GRM3: variants seen among roughly 807,000 people sequenced by gnomAD.
GRM3 encodes the protein metabotropic glutamate receptor 3.
A neutral mutation model predicts 70.5 loss-of-function variants in GRM3; 26 were observed. That is an observed-to-expected ratio of 0.37 (90% CI 0.27 to 0.51). The LOEUF is 0.51. Among genes scored for constraint, GRM3 ranks in the 20% least tolerant of loss-of-function variants. The pLI, the probability that GRM3 is intolerant of heterozygous loss-of-function variation, is 0.93. For missense variants in GRM3, 859 were observed against 1,123.8 expected, an observed-to-expected ratio of 0.76 and a Z score of 3.37; for synonymous variants, 443 against 434.9, an observed-to-expected ratio of 1.02 and a Z score of -0.23.
chr7:86,710,805 A>C lies in GRM3; in HGVS notation c.-140-54201A>C, dbSNP rs1401385399. Among the ~76,000 whole-genome samples the C allele has an allele frequency of 2.0e-5, 3 of 152,228 alleles. No homozygotes were observed. The East Asian group carries it at 5.8e-4, about 29-fold the overall frequency. ...TACAACTAGATAATAACATGTCTTT[A>C]AAGTGTTACTATGTGTCAGTCAAAT... is the stretch of plus-strand genomic sequence containing the variant. On this transcript the variant is annotated intron_variant, in intron 1 of 5. Coordinates refer to ENST00000361669, the MANE Select transcript of GRM3 (RefSeq NM_000840.3).
chr7:86,788,328 A>G (rs1006325585), intron 3 of GRM3, among the ~76,000 whole-genome samples: 3 of 152,224 alleles, frequency 2.0e-5, no homozygotes, highest in African/African-American at 4.8e-5. Flanking sequence ...CTTCTATTCC[A>G]TAATTCTTAC....
intron 1 of GRM3, among the ~76,000 whole-genome samples, chr7:86,666,521 C>T (rs1397477160): frequency 6.6e-6 from 1 of 152,036 alleles, no homozygotes; most frequent in East Asian, 1.9e-4. Context: ...AAGTAGCTAT[C>T]CCTCTCTGGA....
At chr7:86,778,984 T>A (rs1796969741) in intron 2 of GRM3, among the ~76,000 whole-genome samples, 2 of 151,932 alleles carry the variant, frequency 1.3e-5, no homozygotes, top group Admixed American at 6.5e-5. Flanking sequence ...AAAATTTGGA[T>A]ACACACACAC....
intron 2 of GRM3, among the ~76,000 whole-genome samples, chr7:86,773,068 G>C (rs1029594997): frequency 1.3e-5 from 2 of 151,934 alleles, no homozygotes; most frequent in Non-Finnish European, 1.5e-5. Context: ...GTGTGTTGCT[G>C]AGGTTTGGGG....
chr7:86,788,997 G>C (rs890947281), intron 3 of GRM3, among the ~76,000 whole-genome samples: 2 of 152,034 alleles, frequency 1.3e-5, no homozygotes, highest in African/African-American at 4.8e-5. Flanking sequence ...TGACTTCTTG[G>C]GTCTTAAAAG....
chr7:86,694,368 C>T (rs1250004371), intron 1 of GRM3, among the ~76,000 whole-genome samples: 1 of 151,324 alleles, frequency 6.6e-6, no homozygotes, highest in Non-Finnish European at 1.5e-5. Flanking sequence ...AAAAATTAGC[C>T]GGGCTTGGTG....
chr7:86,644,556 T>C lies in GRM3; in HGVS notation c.-457T>C, dbSNP rs1206134697. ...CCCTCTTTCCCCAACCTCCTCCCTC[T>C]CTTCTACTCCACCCCTCCGTTTTCC... On this transcript the variant is annotated 5_prime_UTR_variant, in exon 1 of 6. Coordinates refer to ENST00000361669, the MANE Select transcript of GRM3 (RefSeq NM_000840.3). 5.2e-6 allele frequency: 2 copies of C among 384,654 alleles called. No homozygotes were observed. The highest frequency in any genetic ancestry group is 1.0e-5 in the Non-Finnish European group (2 of 192,638). The allele number at this position is 384,654 out of a possible 1,614,324, so 23.8% of individuals were successfully genotyped here.
At chr7:86,843,492 C>T (rs1023854963) in intron 4 of GRM3, among the ~76,000 whole-genome samples, 1 of 152,126 alleles carries the variant, frequency 6.6e-6, no homozygotes, top group Non-Finnish European at 1.5e-5. Flanking sequence ...AGAAACTATC[C>T]GAGTCATCTC....
At chr7:86,775,220 A>G (rs980269218) in intron 2 of GRM3, 6 of 152,142 alleles carry the variant, frequency 3.9e-5, no homozygotes, top group African/African-American at 7.2e-5. Context: ...CCTTTCTCCA[A>G]CAACCATTAT....
At chr7:86,647,833 A>G (rs535303254) in intron 1 of GRM3, among the ~76,000 whole-genome samples, 1 of 152,288 alleles carries the variant, frequency 6.6e-6, no homozygotes, top group East Asian at 1.9e-4. Context: ...CCCATAGCCT[A>G]CTGTATTTTG....
rs553186253 is a variant in GRM3, at chr7:86,864,556, T to C, written c.*201T>C. ...AGTCTAGTGCCCCTATTATTAACAA[T>C]TCCCCCAGAACATGGAAATAACCAT... On this transcript the variant is annotated 3_prime_UTR_variant, in exon 6 of 6. Coordinates refer to ENST00000361669, the MANE Select transcript of GRM3 (RefSeq NM_000840.3). 7 of 496,024 alleles carry C rather than the reference T, an allele frequency of 1.4e-5. No homozygotes were observed. The highest frequency in any genetic ancestry group is 2.6e-5 in the Non-Finnish European group (7 of 272,464). 30.7% of individuals were successfully genotyped at this position (496,024 alleles called of 1,614,324 possible). A position where few individuals can be genotyped will look rare whatever the true frequency, so the allele number is the denominator to read the frequency against.
chr7:86,759,455 A>G (rs751535945), intron 1 of GRM3, among the ~76,000 whole-genome samples: 20 of 152,224 alleles, frequency 1.3e-4, no homozygotes, highest in Non-Finnish European at 2.2e-4. Flanking sequence ...TATTTTTTCA[A>G]TCTCCTGATC....
chr7:86,826,404 A>C (rs1798235233), intron 3 of GRM3, among the ~76,000 whole-genome samples: 1 of 152,222 alleles, frequency 6.6e-6, no homozygotes, highest in Admixed American at 6.5e-5. Context: ...GGAGATGTGC[A>C]GCTGGCTGAC....
chr7:86,849,296 T>A (rs1409284014), intron 4 of GRM3, among the ~76,000 whole-genome samples: 1 of 152,140 alleles, frequency 6.6e-6, no homozygotes, highest in Non-Finnish European at 1.5e-5. Flanking sequence ...AGCCTGCAAT[T>A]AGGGGTCCCA....
chr7:86,817,801 C>T (rs1584262405), intron 3 of GRM3, among the ~76,000 whole-genome samples: 1 of 151,972 alleles, frequency 6.6e-6, no homozygotes, highest in Admixed American at 6.6e-5. Flanking sequence ...AAGTTACAAT[C>T]TGTTAGAGAA....
intron 3 of GRM3, among the ~76,000 whole-genome samples, chr7:86,822,546 T>A (rs1313674580): frequency 6.6e-6 from 1 of 151,846 alleles, no homozygotes; most frequent in Non-Finnish European, 1.5e-5. Flanking sequence ...TGGAAAAAAA[T>A]GCATGTTGCA....
At chr7:86,705,570 T>C (rs1466713151) in intron 1 of GRM3, among the ~76,000 whole-genome samples, 1 of 152,110 alleles carries the variant, frequency 6.6e-6, no homozygotes, top group African/African-American at 2.4e-5. Context: ...TTTTAAATTT[T>C]TTTGTAAACA....
chr7:86,796,602 C>A (rs186446060), intron 3 of GRM3, among the ~76,000 whole-genome samples: 1 of 152,024 alleles, frequency 6.6e-6, no homozygotes, highest in African/African-American at 2.4e-5. Context: ...TGAAGAATGT[C>A]GATGGTAATT....
At chr7:86,662,057 G>A (rs1370297381) in intron 1 of GRM3, among the ~76,000 whole-genome samples, 1 of 151,816 alleles carries the variant, frequency 6.6e-6, no homozygotes, top group African/African-American at 2.4e-5. Flanking sequence ...CACACAAACT[G>A]CCTATCTTAT....
Sources: allele counts gnomAD v4.1 joint callset (sites outside exome capture counted in the v4.1 genomes callset), GRCh38; gene constraint gnomAD v4.1.1; transcripts MANE v1.5; gene names NCBI Gene and HGNC (gene_info 2026-07-23, HGNC 2026-07-21).